Variants in RIC8B observed in about 807,000 individuals in gnomAD.
The protein encoded by RIC8B is RIC8 guanine nucleotide exchange factor B.
Under a neutral mutation model 57.5 loss-of-function variants are expected in RIC8B, and 16 were observed. The ratio of observed to expected loss-of-function variants is 0.28; its 90% CI spans 0.19 to 0.42. The LOEUF is 0.42. Ranked by LOEUF, RIC8B falls within the 10% of genes least tolerant of loss-of-function variation. The pLI is 1.00. For missense variants in RIC8B, 481 were observed against 677.0 expected (o/e 0.71, Z 3.21); for synonymous variants, 216 against 250.8 (o/e 0.86, Z 1.31).
chr12:106,883,522 C>T (rs1321169003), intron 9 of RIC8B, among the ~76,000 whole-genome samples: 2 of 152,002 alleles, frequency 1.3e-5, no homozygotes, highest in Non-Finnish European at 2.9e-5. Flanking sequence ...ATGTCCTGGC[C>T]CCATTGAATA....
At chr12:106,790,172 T>C (rs1390606380) in intron 2 of RIC8B, among the ~76,000 whole-genome samples, 1 of 152,186 alleles carries the variant, frequency 6.6e-6, no homozygotes, top group Non-Finnish European at 1.5e-5. Flanking sequence ...CAGCCTCACA[T>C]AGACAGCAGA....
At chr12:106,878,801 T>C (rs1950785703) in intron 9 of RIC8B, among the ~76,000 whole-genome samples, 1 of 151,236 alleles carries the variant, frequency 6.6e-6, no homozygotes, top group South Asian at 2.1e-4. Context: ...CAGGGGGTGA[T>C]TGAAGGAAGC....
chr12:106,841,956 G>A (rs1458721350), intron 4 of RIC8B, among the ~76,000 whole-genome samples: 1 of 152,114 alleles, frequency 6.6e-6, no homozygotes, highest in Non-Finnish European at 1.5e-5. Context: ...CAGCTGAAAG[G>A]CCTAGGGGCT....
In RIC8B at chr12:106,774,920, C is replaced by T. The variant is rs147904759; in HGVS notation, c.84+91C>T. On this transcript the variant is annotated intron_variant, in intron 1 of 9. Coordinates refer to ENST00000392837, the MANE Select transcript of RIC8B (RefSeq NM_001330145.2). ...GCATCCTTCCCCACCCCCCTCATTC[C>T]GGGGATGCGCATTGCTCTCCCCCGA... is the stretch of plus-strand genomic sequence containing the variant. 73 of 951,998 alleles carry T rather than the reference C, an allele frequency of 7.7e-5. No homozygotes were observed. The African/African-American group carries it at 1.1e-3, about 14-fold the overall frequency. The allele number at this position is 951,998 out of a possible 1,614,324, so 59.0% of individuals were successfully genotyped here.
chr12:106,875,696 CTA>C (rs1406625253), intron 9 of RIC8B, among the ~76,000 whole-genome samples: 1 of 152,030 alleles, frequency 6.6e-6, no homozygotes, highest in Non-Finnish European at 1.5e-5. Flanking sequence ...CCATCAAAAT[CTA>C]TGTTTTAAAA....
intron 9 of RIC8B, among the ~76,000 whole-genome samples, chr12:106,878,521 A>G (rs1950774811): frequency 1.3e-5 from 2 of 152,204 alleles, no homozygotes; most frequent in Non-Finnish European, 1.5e-5. Context: ...GAAAAGCTCT[A>G]TGTTAATTAA....
At chr12:106,874,664 C>A in intron 9 of RIC8B, 1 of 954,276 alleles carries the variant, frequency 1.0e-6, no homozygotes, top group Non-Finnish European at 1.6e-6. Context: ...GTTAAAATTA[C>A]ATTTCTATTT....
chr12:106,858,804 TTTATCCCCATACCAC>T (rs977598729), intron 7 of RIC8B, among the ~76,000 whole-genome samples: 1 of 152,116 alleles, frequency 6.6e-6, no homozygotes, highest in Admixed American at 6.6e-5. Context: ...CTTCCTTTCA[TTTATCCCCATACCAC>T]TTATTTTCGG....
At chr12:106,808,372 TTA>T (rs1214748354) in intron 2 of RIC8B, among the ~76,000 whole-genome samples, 1 of 152,086 alleles carries the variant, frequency 6.6e-6, no homozygotes, top group Admixed American at 6.5e-5. Context: ...TTATGAAACT[TTA>T]TGTTATTTAT....
chr12:106,813,629 A>G (rs2045439234), intron 2 of RIC8B, among the ~76,000 whole-genome samples: 1 of 152,218 alleles, frequency 6.6e-6, no homozygotes, highest in African/African-American at 2.4e-5. Flanking sequence ...CTATGTGCAC[A>G]TAGCCTAGGT....
intron 5 of RIC8B, 117 bp downstream of exon 5, chr12:106,842,934 A>T (rs953294966): frequency 6.6e-6 from 4 of 603,838 alleles, no homozygotes; most frequent in Admixed American, 6.1e-5. Flanking sequence ...TTTCTGACTG[A>T]TGTGCTGCAT....
chr12:106,861,023 C>T (rs945122944), intron 8 of RIC8B, among the ~76,000 whole-genome samples: 3 of 152,054 alleles, frequency 2.0e-5, no homozygotes, highest in African/African-American at 7.2e-5. Flanking sequence ...ATTAAAGACA[C>T]TATAATTATT....
intron 2 of RIC8B, among the ~76,000 whole-genome samples, chr12:106,792,494 G>A (rs988526492): frequency 6.6e-5 from 10 of 152,136 alleles, no homozygotes; most frequent in Admixed American, 1.3e-4. Flanking sequence ...AAGAAGTTCC[G>A]CTTCCAGCCA....
intron 8 of RIC8B, among the ~76,000 whole-genome samples, chr12:106,869,945 CAAACAA>C (rs1351420641): frequency 6.6e-6 from 1 of 152,006 alleles, no homozygotes; most frequent in African/African-American, 2.4e-5. Context: ...TCAAAACAAA[CAAACAA>C]AAACAAAAAA....
intron 2 of RIC8B, among the ~76,000 whole-genome samples, chr12:106,808,000 G>A (rs1015261449): frequency 3.3e-5 from 5 of 151,234 alleles, no homozygotes; most frequent in East Asian, 2.0e-4. Context: ...CAGGAGAATC[G>A]CTTGAACCTG....
At chr12:106,880,468 A>C (rs1950874128) in intron 9 of RIC8B, among the ~76,000 whole-genome samples, 1 of 152,150 alleles carries the variant, frequency 6.6e-6, no homozygotes, top group South Asian at 2.1e-4. Context: ...ACTCAAGCCC[A>C]GAGAGGCAAG....
intron 8 of RIC8B, among the ~76,000 whole-genome samples, chr12:106,862,630 C>T (rs904715851): frequency 3.3e-5 from 5 of 152,104 alleles, no homozygotes; most frequent in Non-Finnish European, 7.4e-5. Context: ...TCTCAGTCTG[C>T]TTTTCTTGTG....
chr12:106,884,080 T>C (rs1951073613), intron 9 of RIC8B, among the ~76,000 whole-genome samples: 1 of 152,224 alleles, frequency 6.6e-6, no homozygotes, highest in East Asian at 1.9e-4. Flanking sequence ...TCTGAAATGC[T>C]CTGTGCCCAT....
In RIC8B at chr12:106,815,080, C is replaced by CT; in HGVS notation, c.521dup (p.Leu174PhefsTer12). On this transcript the variant is annotated frameshift_variant, in exon 3 of 10. Coordinates refer to ENST00000392837, the MANE Select transcript of RIC8B (RefSeq NM_001330145.2). LOFTEE classifies it high-confidence loss of function. ...CTTGCGCTTGCTCTTCCTTCTGTCA[C>CT]TTTTGCACACCGACATCAGGTCACA... is the stretch of plus-strand genomic sequence containing the variant. The CT allele has an allele frequency of 6.2e-7, 1 of 1,614,246 alleles. No individual in the cohort carries two copies. Among genetic ancestry groups the CT allele is most frequent in the Non-Finnish European group, 8.5e-7 (1 of 1,180,042 alleles).
Sources: gnomAD v4.1 joint callset for allele counts (sites outside exome capture counted in the v4.1 genomes callset) on GRCh38, gnomAD v4.1.1 for gene constraint, MANE v1.5 for transcripts, NCBI Gene and HGNC (gene_info 2026-07-23, HGNC 2026-07-21) for gene names.